Variants in ERBIN observed in about 807,000 individuals in gnomAD.
ERBIN encodes the protein erbb2 interacting protein, also known as densin-180-like protein.
ERBIN carries 60 observed loss-of-function variants against 158.4 expected under a neutral mutation model. That is an observed-to-expected ratio of 0.38 (90% CI 0.31 to 0.47). The LOEUF is 0.47. ERBIN is among the 20% of genes least tolerant of loss of function. The probability of loss-of-function intolerance (pLI) is 0.99; values close to 1 mark genes in which losing one functional copy is unlikely to be tolerated. For missense variants in ERBIN, 1,610 were observed against 1,648.0 expected, an observed-to-expected ratio of 0.98 and a Z score of 0.40; for synonymous variants, 594 against 557.2, an observed-to-expected ratio of 1.07 and a Z score of -0.93.
intron 1 of ERBIN, among the ~76,000 whole-genome samples, chr5:65,950,650 G>A (rs967409617): frequency 6.6e-6 from 1 of 152,202 alleles, no homozygotes; most frequent in Non-Finnish European, 1.5e-5. Context: ...AGGGTGAGGG[G>A]AGCTAAGCTC....
At chr5:65,946,852 G>T (rs868035662) in intron 1 of ERBIN, among the ~76,000 whole-genome samples, 1 of 149,548 alleles carries the variant, frequency 6.7e-6, no homozygotes, top group Non-Finnish European at 1.5e-5. Flanking sequence ...TCTCATCATG[G>T]TATTTCATGT....
intron 21 of ERBIN, among the ~76,000 whole-genome samples, chr5:66,067,365 T>C (rs1212228954): frequency 6.6e-6 from 1 of 152,222 alleles, no homozygotes; most frequent in African/African-American, 2.4e-5. Context: ...CAGAAATGCT[T>C]GTTATGATAT....
At chr5:65,951,072 G>A (rs537785333) in intron 1 of ERBIN, among the ~76,000 whole-genome samples, 1 of 152,220 alleles carries the variant, frequency 6.6e-6, no homozygotes, top group South Asian at 2.1e-4. Flanking sequence ...GACTGTAGCT[G>A]GATTCTATAT....
chr5:65,948,109 C>T (rs1238099228), intron 1 of ERBIN, among the ~76,000 whole-genome samples: 1 of 151,786 alleles, frequency 6.6e-6, no homozygotes, highest in Non-Finnish European at 1.5e-5. Flanking sequence ...AACGATTTTA[C>T]AGCACGTATT....
intron 17 of ERBIN, among the ~76,000 whole-genome samples, chr5:66,045,770 A>G (rs1401526261): frequency 6.6e-6 from 1 of 152,222 alleles, no homozygotes; most frequent in East Asian, 1.9e-4. Context: ...GTCTGAACAA[A>G]GAAGATAATG....
In ERBIN at chr5:65,969,355, G is replaced by T. The variant is rs535180114; in HGVS notation, c.-57-19280G>T. On this transcript the variant is annotated intron_variant, in intron 1 of 25. Transcript: ENST00000284037. ...AATTATGTTTTCTGTTGCTGATTCA[G>T]TTACTTTTGGGAAAGGCAGTACAAG... Among the ~76,000 whole-genome samples the T allele has an allele frequency of 9.2e-5, 14 of 152,286 alleles. No homozygotes were observed. The South Asian group carries it at 1.9e-3, about 20-fold the overall frequency.
intron 10 of ERBIN, 119 bp from the exon 11 acceptor site, chr5:66,025,361 A>G: frequency 1.3e-6 from 1 of 763,262 alleles, no homozygotes; most frequent in South Asian, 1.4e-5. Flanking sequence ...TCTTTTAGAT[A>G]CGTTTGTTAG....
At chr5:66,010,458 G>T (rs2151099657) in intron 4 of ERBIN, among the ~76,000 whole-genome samples, 1 of 152,202 alleles carries the variant, frequency 6.6e-6, no homozygotes, top group South Asian at 2.1e-4. Context: ...TAATTGCCAT[G>T]TGTCTTGTGG....
At chr5:65,938,211 C>T (rs983326807) in intron 1 of ERBIN, among the ~76,000 whole-genome samples, 2 of 152,078 alleles carry the variant, frequency 1.3e-5, no homozygotes, top group African/African-American at 4.8e-5. Context: ...GCTATTTCAT[C>T]AATTGCATTA....
intron 10 of ERBIN, chr5:66,025,214 G>A (rs1426695941): frequency 5.0e-6 from 2 of 402,608 alleles, no homozygotes; most frequent in Non-Finnish European, 8.9e-6. Flanking sequence ...AGTGAACAAC[G>A]AAGACAAAAA....
At chr5:65,956,029 G>T (rs894937766) in intron 1 of ERBIN, among the ~76,000 whole-genome samples, 1 of 152,120 alleles carries the variant, frequency 6.6e-6, no homozygotes, top group African/African-American at 2.4e-5. Flanking sequence ...TATAGAGTTC[G>T]ACACTATCTG....
rs554759970 is a variant in ERBIN, at chr5:65,940,830, T to C, written c.-58+14024T>C. ...TCTGGGAAGTGTACCCAACAGCTCATTGAGAACGGGCCATGATGACAATGG... is the reference window on the plus strand; with the variant it reads ...TCTGGGAAGTGTACCCAACAGCTCACTGAGAACGGGCCATGATGACAATGG... On this transcript the variant is annotated intron_variant, in intron 1 of 25. Coordinates refer to ENST00000284037, the MANE Select transcript of ERBIN (RefSeq NM_001253697.2). Among the ~76,000 whole-genome samples the C allele has an allele frequency of 4.6e-5, 7 of 152,006 alleles. No individual in the cohort carries two copies. The East Asian group carries it at 1.2e-3, about 25-fold the overall frequency.
intron 1 of ERBIN, among the ~76,000 whole-genome samples, chr5:65,943,694 G>A (rs1191068700): frequency 1.3e-5 from 2 of 151,740 alleles, no homozygotes; most frequent in Non-Finnish European, 2.9e-5. Flanking sequence ...GAACTTTTTT[G>A]TTGTGATAAA....
chr5:65,975,350 G>C (rs1272928095), intron 1 of ERBIN, among the ~76,000 whole-genome samples: 1 of 152,096 alleles, frequency 6.6e-6, no homozygotes, highest in Non-Finnish European at 1.5e-5. Context: ...CTGTCACCCA[G>C]GCTGTAGTAC....
In ERBIN at chr5:66,080,167, A is replaced by G. The variant is rs958546737; in HGVS notation, c.*1637A>G. 6.6e-6 allele frequency: 1 copy of G among 152,598 alleles called. No homozygotes were observed. The highest frequency in any genetic ancestry group is 6.5e-5 in the Admixed American group (1 of 15,282). 9.5% of individuals were successfully genotyped at this position (152,598 alleles called of 1,614,324 possible). The stretch of plus-strand genomic sequence containing the variant: ...AAGACTTTTATAAGACTAGCTTAAA[A>G]CACCAACCAACATTATTTTTGCAAA... On this transcript the variant is annotated 3_prime_UTR_variant, in exon 26 of 26. Transcript: ENST00000284037.
intron 1 of ERBIN, among the ~76,000 whole-genome samples, chr5:65,936,607 T>G (rs1425509368): frequency 6.6e-6 from 1 of 152,198 alleles, no homozygotes; most frequent in East Asian, 1.9e-4. Context: ...TAATTGAAAT[T>G]TCTGTCGATT....
At chr5:66,029,413 C>A (rs1756608938) in intron 14 of ERBIN, among the ~76,000 whole-genome samples, 1 of 152,110 alleles carries the variant, frequency 6.6e-6, no homozygotes, top group Non-Finnish European at 1.5e-5. Flanking sequence ...TCATATGATA[C>A]TCATGAACTC....
At chr5:65,956,544 A>C (rs187930743) in intron 1 of ERBIN, among the ~76,000 whole-genome samples, 27 of 130,202 alleles carry the variant, frequency 2.1e-4, no homozygotes, top group African/African-American at 6.9e-4. Flanking sequence ...TAATTTTTTT[A>C]CTTTTTTTTT....
intron 4 of ERBIN, among the ~76,000 whole-genome samples, chr5:66,001,594 C>T (rs747659336): frequency 2.0e-5 from 3 of 152,066 alleles, no homozygotes; most frequent in Non-Finnish European, 4.4e-5. Flanking sequence ...TTTGTTAGTT[C>T]ATCTGTAAGA....
Sources: gnomAD v4.1 joint callset for allele counts (sites outside exome capture counted in the v4.1 genomes callset) on GRCh38, gnomAD v4.1.1 for gene constraint, MANE v1.5 for transcripts, NCBI Gene and HGNC (gene_info 2026-07-23, HGNC 2026-07-21) for gene names.